The following TNR variants were observed in gnomAD, a reference collection of about 807,000 sequenced individuals.
TNR encodes the protein tenascin R.
A neutral mutation model predicts 150.4 loss-of-function variants in TNR; 45 were observed. The ratio of observed to expected loss-of-function variants is 0.30; its 90% CI spans 0.24 to 0.38. The LOEUF is 0.38. Ranked by LOEUF, TNR falls within the 10% of genes least tolerant of loss-of-function variation. The pLI is 1.00. For synonymous variants in TNR, 687 were observed against 678.4 expected, an observed-to-expected ratio of 1.01 and a Z score of -0.20; for missense variants, 1,544 against 1,759.1, an observed-to-expected ratio of 0.88 and a Z score of 2.19.
At chr1:175,675,722 C>T (rs923524944) in intron 1 of TNR, among the ~76,000 whole-genome samples, 1 of 152,170 alleles carries the variant, frequency 6.6e-6, no homozygotes, top group Admixed American at 6.5e-5. Context: ...TAAGCAGGAA[C>T]CTCCCACTCT....
intron 1 of TNR, among the ~76,000 whole-genome samples, chr1:175,700,840 T>C (rs1666671943): frequency 6.6e-6 from 1 of 152,226 alleles, no homozygotes; most frequent in Non-Finnish European, 1.5e-5. Flanking sequence ...AGATTCTCTG[T>C]CCTGCATTTT....
intron 1 of TNR, among the ~76,000 whole-genome samples, chr1:175,605,476 T>C (rs894242229): frequency 1.3e-5 from 2 of 152,188 alleles, no homozygotes; most frequent in African/African-American, 2.4e-5. Context: ...AAGCCTGGCA[T>C]ACATCAAAGG....
chr1:175,471,098 A>G (rs941436900), intron 2 of TNR, among the ~76,000 whole-genome samples: 4 of 152,250 alleles, frequency 2.6e-5, no homozygotes, highest in Non-Finnish European at 5.9e-5. Flanking sequence ...GTCAGCGAAG[A>G]GAGAAGGGCA....
chr1:175,613,273 G>A (rs1283783623), intron 1 of TNR, among the ~76,000 whole-genome samples: 3 of 152,056 alleles, frequency 2.0e-5, no homozygotes, highest in African/African-American at 4.8e-5. Flanking sequence ...TGCTAGCCAG[G>A]GCCCAAATCC....
intron 1 of TNR, among the ~76,000 whole-genome samples, chr1:175,709,013 C>T (rs981088468): frequency 2.1e-5 from 3 of 144,220 alleles, no homozygotes; most frequent in Non-Finnish European, 4.4e-5. Flanking sequence ...GTAATCCTCA[C>T]GACAGCTCCA....
At chr1:175,425,162 G>T (rs1243971527) in intron 2 of TNR, among the ~76,000 whole-genome samples, 1 of 152,102 alleles carries the variant, frequency 6.6e-6, no homozygotes, top group African/African-American at 2.4e-5. Context: ...CCATAGGTGT[G>T]GAGCTTGGGA....
intron 1 of TNR, among the ~76,000 whole-genome samples, chr1:175,616,999 T>G (rs941019167): frequency 9.9e-5 from 15 of 152,244 alleles, no homozygotes; most frequent in Non-Finnish European, 2.1e-4. Context: ...TATGTGAAGT[T>G]GACAATGTCT....
chr1:175,645,162 T>A (rs1334333946), intron 1 of TNR, among the ~76,000 whole-genome samples: 1 of 152,182 alleles, frequency 6.6e-6, no homozygotes, highest in Non-Finnish European at 1.5e-5. Flanking sequence ...GACACATTTT[T>A]AAATGACCTC....
At chr1:175,727,852 A>G (rs746342771) in intron 1 of TNR, among the ~76,000 whole-genome samples, 1 of 152,214 alleles carries the variant, frequency 6.6e-6, no homozygotes, top group Non-Finnish European at 1.5e-5. Flanking sequence ...CAAGGTCATC[A>G]TCTGAGAGGA....
intron 1 of TNR, among the ~76,000 whole-genome samples, chr1:175,689,861 C>T (rs1026228148): frequency 2.0e-5 from 3 of 152,184 alleles, no homozygotes; most frequent in Non-Finnish European, 2.9e-5. Flanking sequence ...TTCTCCAATA[C>T]CTGAGGCCTC....
At chr1:175,492,624 G>A (rs1176373552) in intron 2 of TNR, among the ~76,000 whole-genome samples, 2 of 152,150 alleles carry the variant, frequency 1.3e-5, no homozygotes, top group Non-Finnish European at 2.9e-5. Context: ...AGTTTGGAGG[G>A]TTAATGCTCT....
At chr1:175,542,120 C>T (rs1660523754) in intron 1 of TNR, among the ~76,000 whole-genome samples, 1 of 152,160 alleles carries the variant, frequency 6.6e-6, no homozygotes, top group Admixed American at 6.5e-5. Context: ...AATCTGGGAA[C>T]TACGAACCTT....
At chr1:175,362,881 G>C in intron 13 of TNR, 72 bp from the exon 14 acceptor site, 8 of 1,583,428 alleles carry the variant, frequency 5.1e-6, no homozygotes, top group Non-Finnish European at 6.9e-6. Flanking sequence ...TACAGTCTAT[G>C]TCAATAAAGC....
intron 1 of TNR, among the ~76,000 whole-genome samples, chr1:175,697,703 T>C (rs1399941126): frequency 1.3e-5 from 2 of 152,198 alleles, no homozygotes; most frequent in Non-Finnish European, 2.9e-5. Flanking sequence ...TGGCTGATAT[T>C]CAGCCTCAGT....
chr1:175,378,903 G>C (rs1652532959), intron 9 of TNR, among the ~76,000 whole-genome samples: 1 of 152,220 alleles, frequency 6.6e-6, no homozygotes, highest in African/African-American at 2.4e-5. Flanking sequence ...TGGAAGGCCA[G>C]GTGCAGTGGC....
chr1:175,546,761 A>G (rs906332875), intron 1 of TNR, among the ~76,000 whole-genome samples: 2 of 152,132 alleles, frequency 1.3e-5, no homozygotes, highest in Admixed American at 1.3e-4. Flanking sequence ...TGGCCTCTTC[A>G]GAAGTCTGAA....
intron 2 of TNR, among the ~76,000 whole-genome samples, chr1:175,518,495 A>T (rs1171352094): frequency 6.6e-6 from 1 of 152,162 alleles, no homozygotes; most frequent in East Asian, 1.9e-4. Flanking sequence ...TAATGTCATT[A>T]TCATATTCCA....
At chr1:175,606,508 T>C (rs545999613) in intron 1 of TNR, among the ~76,000 whole-genome samples, 1 of 152,256 alleles carries the variant, frequency 6.6e-6, no homozygotes, top group Non-Finnish European at 1.5e-5. Flanking sequence ...GTTTACACGA[T>C]TTTTGGAAAG....
At chr1:175,636,280 C>T (rs2101877400) in intron 1 of TNR, among the ~76,000 whole-genome samples, 1 of 152,288 alleles carries the variant, frequency 6.6e-6, no homozygotes, top group African/African-American at 2.4e-5. Context: ...TAGCTAACAC[C>T]TACAGATGGT....
Sources: gnomAD v4.1 joint callset for allele counts (sites outside exome capture counted in the v4.1 genomes callset) on GRCh38, gnomAD v4.1.1 for gene constraint, MANE v1.5 for transcripts, NCBI Gene and HGNC (gene_info 2026-07-23, HGNC 2026-07-21) for gene names.